The following ANAPC13 variants were observed in gnomAD, a reference collection of about 807,000 sequenced individuals.
ANAPC13 encodes anaphase promoting complex subunit 13.
Under a neutral mutation model 9.6 loss-of-function variants are expected in ANAPC13, and 9 were observed. That is an observed-to-expected ratio of 0.94 (90% CI 0.57 to 1.64). ANAPC13 has a LOEUF of 1.64. ANAPC13 is among the 40% of genes most tolerant of loss of function. The probability of loss-of-function intolerance (pLI) is 0.00; values close to 1 mark genes in which losing one functional copy is unlikely to be tolerated. For missense variants in ANAPC13, 75 were observed against 85.3 expected (o/e 0.88, Z 0.48); for synonymous variants, 30 against 29.7 (o/e 1.01, Z -0.03).
chr3:134,478,811 AC>A (rs1168315021), intron 2 of ANAPC13, 96 bp from the exon 3 acceptor site: 16 of 1,374,028 alleles, frequency 1.2e-5, no homozygotes, highest in Non-Finnish European at 1.6e-5. Context: ...GTTCCTAGGA[AC>A]AGGCAACATA....
chr3:134,482,989 C>A (rs1013372167), intron 1 of ANAPC13, 58 bp from the exon 2 acceptor site: 9 of 1,176,226 alleles, frequency 7.7e-6, no homozygotes, highest in African/African-American at 1.5e-5. Context: ...GTATAATCCA[C>A]TATTAGGATT....
At chr3:134,481,661 C>T (rs1302318905) in intron 2 of ANAPC13, among the ~76,000 whole-genome samples, 2 of 152,216 alleles carry the variant, frequency 1.3e-5, no homozygotes, top group Non-Finnish European at 2.9e-5. Flanking sequence ...TTATGGCACA[C>T]AGTAGGCTTC....
At chr3:134,478,937 T>C (rs1417211557) in intron 2 of ANAPC13, among the ~76,000 whole-genome samples, 1 of 152,222 alleles carries the variant, frequency 6.6e-6, no homozygotes, top group African/African-American at 2.4e-5. Flanking sequence ...ATTTTGACTC[T>C]GACATTTGTG....
At position 134,481,692 on chromosome 3, in the gene ANAPC13, A is replaced by G. The variant is rs537283726; in HGVS notation, c.99+1114T>C. On this transcript the variant is annotated intron_variant, in intron 2 of 2. Transcript: ENST00000354910. Reference sequence around the variant, plus strand: ...GCTTCAAAAAATGCTTGTCAAATGAATGAATGAACAGAAGTTCACAAGACA... The same window carrying G: ...GCTTCAAAAAATGCTTGTCAAATGAGTGAATGAACAGAAGTTCACAAGACA... Among the ~76,000 whole-genome samples, 3 of 152,380 alleles carry G rather than the reference A, an allele frequency of 2.0e-5. No individual in the cohort carries two copies. The South Asian group carries it at 6.2e-4, about 32-fold the overall frequency.
chr3:134,484,849 T>C (rs1934947113), intron 1 of ANAPC13, among the ~76,000 whole-genome samples: 2 of 152,250 alleles, frequency 1.3e-5, no homozygotes, highest in South Asian at 2.1e-4. Context: ...GTAGGCCTTC[T>C]ATCCTTGAAC....
chr3:134,482,732 A>G (rs1039219739), intron 2 of ANAPC13, 74 bp downstream of exon 2: 11 of 1,200,610 alleles, frequency 9.2e-6, no homozygotes, highest in Non-Finnish European at 1.4e-5. Context: ...TTTATCTTCC[A>G]TTGATATCCC....
At chr3:134,480,844 T>TA (rs1177839946) in intron 2 of ANAPC13, among the ~76,000 whole-genome samples, 5 of 152,314 alleles carry the variant, frequency 3.3e-5, no homozygotes, top group Admixed American at 2.6e-4. Context: ...AATCATGAAA[T>TA]AAACAGTTGC....
chr3:134,485,368 C>T (rs950468973), intron 1 of ANAPC13: 1 of 152,234 alleles, frequency 6.6e-6, no homozygotes, highest in African/African-American at 2.4e-5. Flanking sequence ...CTTTTTATTC[C>T]AGTGAACCCA....
At chr3:134,479,511 A>ATT (rs1197699007) in intron 2 of ANAPC13, among the ~76,000 whole-genome samples, 15 of 151,296 alleles carry the variant, frequency 9.9e-5, no homozygotes, top group African/African-American at 3.6e-4. Context: ...CTAATTTTGT[A>ATT]TTTTTTTATT....
rs377214222 is a variant in ANAPC13, at chr3:134,482,860, A to G, written c.45T>C (p.Ile15=). Residue 15 remains isoleucine, a synonymous_variant, in exon 2 of 3, where the codon ATT becomes ATC. Transcript: ENST00000354910. ...VQRDGRILDL[I]DDAWREDKLP... ...GCTTGTCTTCTCGCCAAGCATCATCAATCAAATCCAAGATCCTTCCATCTC... is the reference window on the plus strand; with the variant it reads ...GCTTGTCTTCTCGCCAAGCATCATCGATCAAATCCAAGATCCTTCCATCTC... The G allele has an allele frequency of 1.2e-6, 2 of 1,614,110 alleles. No individual in the cohort carries two copies. The highest frequency in any genetic ancestry group is 2.7e-5 in the African/African-American group (2 of 74,944).
rs554203460 is a variant in ANAPC13, at chr3:134,477,726, T to G, written c.*864A>C. 9 of 152,356 alleles carry G rather than the reference T, an allele frequency of 5.9e-5. 1 individual carries two copies. Among genetic ancestry groups the G allele is most frequent in the Admixed American group, 2.6e-4 (4 of 15,308 alleles). 9.4% of individuals were successfully genotyped at this position (152,356 alleles called of 1,614,324 possible). ...GCATAAAAAGGATGAGAAGAGATTT[T>G]AGTTATTCAGTGTTTTCAGAGTTTC... is the stretch of plus-strand genomic sequence containing the variant. On this transcript the variant is annotated 3_prime_UTR_variant, in exon 3 of 3. Transcript: ENST00000354910.
chr3:134,478,564 T>A lies in ANAPC13; in HGVS notation c.*26A>T, dbSNP rs116673007. 1,795 of 1,606,498 alleles carry A rather than the reference T, an allele frequency of 1.1e-3. 18 individuals are homozygous for A. In the African/African-American group the frequency reaches 0.022, roughly 19 times the overall value. ...GCTTTATCTGTGTACTTTGAGAAAATCCATCCACAAGAAAGGAGCCAAGCG... is the reference window on the plus strand; with the variant it reads ...GCTTTATCTGTGTACTTTGAGAAAAACCATCCACAAGAAAGGAGCCAAGCG... On this transcript the variant is annotated 3_prime_UTR_variant, in exon 3 of 3. Transcript: ENST00000354910.
rs1179195805 is a variant in ANAPC13 at position 134,478,577 on chromosome 3, A to T, written c.*13T>A. 1 of 1,609,938 alleles carries T rather than the reference A, an allele frequency of 6.2e-7. No individual in the cohort carries two copies. Among genetic ancestry groups the T allele is most frequent in the African/African-American group, 1.3e-5 (1 of 74,610 alleles). On this transcript the variant is annotated 3_prime_UTR_variant, in exon 3 of 3. Coordinates refer to ENST00000354910, the MANE Select transcript of ANAPC13 (RefSeq NM_015391.4). ...ACTTTGAGAAAATCCATCCACAAGA[A>T]AGGAGCCAAGCGTCAGTTTCCAATG...
intron 2 of ANAPC13, among the ~76,000 whole-genome samples, chr3:134,481,186 C>G (rs1331934651): frequency 6.6e-6 from 1 of 152,220 alleles, no homozygotes; most frequent in East Asian, 1.9e-4. Context: ...GCTGGCTAAA[C>G]TGATTTTCCA....
intron 1 of ANAPC13, 124 bp downstream of exon 1, chr3:134,485,828 G>A (rs956276455): frequency 1.1e-5 from 3 of 280,388 alleles, no homozygotes; most frequent in Non-Finnish European, 1.6e-5. Context: ...GTGCAGTAAA[G>A]AAAAACGGTT....
chr3:134,480,663 T>C (rs1256877342), intron 2 of ANAPC13, among the ~76,000 whole-genome samples: 4 of 152,132 alleles, frequency 2.6e-5, no homozygotes, highest in Non-Finnish European at 2.9e-5. Context: ...CCAGAGACCA[T>C]GGCATAGTCA....
In ANAPC13 at chr3:134,480,106, A is replaced by T. The variant is rs185465806; in HGVS notation, c.100-1391T>A. On this transcript the variant is annotated intron_variant, in intron 2 of 2. Coordinates refer to ENST00000354910, the MANE Select transcript of ANAPC13 (RefSeq NM_015391.4). The stretch of plus-strand genomic sequence containing the variant: ...ACATACATCTTGTTCTACAAGACAG[A>T]TTCAAACATACTTGAACAGATTGAG... 2.4e-3 allele frequency among the ~76,000 whole-genome samples: 365 copies of T among 152,342 alleles called. 10 individuals carry two copies. The highest frequency in any genetic ancestry group is 0.024 in the Admixed American group (361 of 15,304).
intron 2 of ANAPC13, among the ~76,000 whole-genome samples, 183 bp from the exon 3 acceptor site, chr3:134,478,898 C>T (rs6790466): frequency 0.68 from 104,125 of 152,144 alleles, 35,897 homozygotes; most frequent in East Asian, 0.82. Context: ...AAACATGGCC[C>T]GGGCCTTCTT....
intron 1 of ANAPC13, 62 bp downstream of exon 1, chr3:134,485,890 C>T: frequency 1.2e-5 from 8 of 687,988 alleles, no homozygotes; most frequent in Non-Finnish European, 1.4e-5. Context: ...AAGTCCGACA[C>T]TGAGCAACGA....
Sources: allele counts gnomAD v4.1 joint callset (sites outside exome capture counted in the v4.1 genomes callset), GRCh38; gene constraint gnomAD v4.1.1; transcripts MANE v1.5; gene names NCBI Gene and HGNC (gene_info 2026-07-23, HGNC 2026-07-21).